RPTOR: variants seen among roughly 807,000 people sequenced by gnomAD.
RPTOR encodes regulatory-associated protein of mTOR.
RPTOR carries 21 observed loss-of-function variants against 169.9 expected under a neutral mutation model. That is an observed-to-expected ratio of 0.12 (90% CI 0.09 to 0.18). RPTOR has a LOEUF of 0.18. RPTOR is among the 10% of genes least tolerant of loss of function. The pLI is 1.00. For synonymous variants in RPTOR, 732 were observed against 753.2 expected (o/e 0.97, Z 0.46); for missense variants, 1,133 against 1,855.9 (o/e 0.61, Z 7.16).
rs1192655025 is a variant in RPTOR at position 80,820,602 on chromosome 17, G to A, written c.891-1599G>A. On this transcript the variant is annotated intron_variant, in intron 7 of 33. Coordinates refer to ENST00000306801, the MANE Select transcript of RPTOR (RefSeq NM_020761.3). The surrounding 1 kb of genome is among the most constrained non-coding windows in gnomAD (Gnocchi z 4.1). The stretch of plus-strand genomic sequence containing the variant: ...GCTCTGTCGTAGGTTGTTAGAGGGT[G>A]GGCACCTTTGCTTTTCCTCACTCCC... Among the ~76,000 whole-genome samples the A allele has an allele frequency of 6.6e-6, 1 of 151,930 alleles. No homozygotes were observed. The highest frequency in any genetic ancestry group is 1.5e-5 in the Non-Finnish European group (1 of 67,954).
At chr17:80,675,739 C>G (rs1161216488) in intron 3 of RPTOR, among the ~76,000 whole-genome samples, 2 of 152,194 alleles carry the variant, frequency 1.3e-5, no homozygotes, top group Admixed American at 1.3e-4. Context: ...AGCTTCACTG[C>G]TCTCACACCA....
intron 24 of RPTOR, among the ~76,000 whole-genome samples, chr17:80,932,460 G>A (rs2068909680): frequency 6.6e-6 from 1 of 152,148 alleles, no homozygotes; most frequent in Non-Finnish European, 1.5e-5. Flanking sequence ...AACTATCAGA[G>A]ATGGAGTGGA....
rs555378956 is a variant in RPTOR at position 80,853,149 on chromosome 17, G to A, written c.1315-2315G>A. Among the ~76,000 whole-genome samples the A allele has an allele frequency of 1.5e-3, 230 of 152,206 alleles. 3 individuals carry two copies. The South Asian group carries it at 0.045, about 29-fold the overall frequency. On this transcript the variant is annotated intron_variant, in intron 11 of 33. Coordinates refer to ENST00000306801, the MANE Select transcript of RPTOR (RefSeq NM_020761.3). ...ACTGGACCAGTCACTGCTGCTTAAC[G>A]TCGGCTGGTGGCTTCTGGATCTCAA...
intron 1 of RPTOR, among the ~76,000 whole-genome samples, chr17:80,575,530 C>G (rs1034134649): frequency 1.3e-5 from 2 of 152,182 alleles, no homozygotes; most frequent in Admixed American, 1.3e-4. Flanking sequence ...ATGGCGCCCC[C>G]TCGTGTTGTG....
chr17:80,813,282 G>C (rs1018121948), intron 7 of RPTOR, among the ~76,000 whole-genome samples: 4 of 152,184 alleles, frequency 2.6e-5, no homozygotes, highest in African/African-American at 9.7e-5. Flanking sequence ...TCACAGGAAT[G>C]CACGTTTCCT....
intron 7 of RPTOR, among the ~76,000 whole-genome samples, chr17:80,817,104 G>A (rs892154573): frequency 2.6e-5 from 4 of 152,232 alleles, no homozygotes; most frequent in Non-Finnish European, 4.4e-5. Flanking sequence ...TGGGTCCACC[G>A]AGCCGCACAG....
At chr17:80,826,599 G>A (rs1460979178) in intron 9 of RPTOR, among the ~76,000 whole-genome samples, 1 of 152,260 alleles carries the variant, frequency 6.6e-6, no homozygotes, top group Non-Finnish European at 1.5e-5. Flanking sequence ...CTAGGCTGGG[G>A]CAGGGAAGCA....
intron 11 of RPTOR, among the ~76,000 whole-genome samples, chr17:80,851,797 A>G (rs1216261260): frequency 6.6e-6 from 1 of 152,214 alleles, no homozygotes; most frequent in African/African-American, 2.4e-5. Flanking sequence ...TCCTGGTAAA[A>G]CAGTAACAGG....
rs757701207 is a variant in RPTOR at position 80,697,570 on chromosome 17, G to A, written c.349-10271G>A. 8.4e-4 allele frequency among the ~76,000 whole-genome samples: 128 copies of A among 152,264 alleles called. 1 individual carries two copies. Among genetic ancestry groups the A allele is most frequent in the Middle Eastern group, 3.4e-3 (1 of 294 alleles). On this transcript the variant is annotated intron_variant, in intron 3 of 33. Transcript: ENST00000306801. ...GAGGAGGGCGGCGTGATAGGTGCAG[G>A]TGGCGGCGTGATAGGTGCAGGTGGC...
At chr17:80,573,213 GT>G (rs1421584383) in intron 1 of RPTOR, among the ~76,000 whole-genome samples, 1 of 152,148 alleles carries the variant, frequency 6.6e-6, no homozygotes, top group East Asian at 1.9e-4. Flanking sequence ...GGAAGCACTT[GT>G]TTTTCTTGAG....
At chr17:80,866,003 G>T (rs1176529230) in intron 13 of RPTOR, among the ~76,000 whole-genome samples, 2 of 152,030 alleles carry the variant, frequency 1.3e-5, no homozygotes, top group African/African-American at 4.8e-5. Context: ...CTTAGAAACA[G>T]AAACTTTTAG....
intron 2 of RPTOR, among the ~76,000 whole-genome samples, chr17:80,637,924 A>G (rs12939549): frequency 0.42 from 63,896 of 152,146 alleles, 13,720 homozygotes; most frequent in African/African-American, 0.48. Flanking sequence ...AGACTTCGTC[A>G]TTGATTCTTG....
intron 6 of RPTOR, among the ~76,000 whole-genome samples, chr17:80,771,394 A>AC (rs2066841608): frequency 6.6e-6 from 1 of 151,922 alleles, no homozygotes. Context: ...CAAAAGGTCC[A>AC]CCCCAGCAAG....
chr17:80,758,565 TGAGCTGGTAAAA>T (rs1463440196), intron 6 of RPTOR, among the ~76,000 whole-genome samples: 1 of 152,110 alleles, frequency 6.6e-6, no homozygotes. Flanking sequence ...AGTGCGGTCT[TGAGCTGGTAAAA>T]GATTAGGGCA....
chr17:80,834,096 G>T (rs905102655), intron 9 of RPTOR, among the ~76,000 whole-genome samples: 1 of 152,206 alleles, frequency 6.6e-6, no homozygotes, highest in Non-Finnish European at 1.5e-5. Context: ...CCACGGCCCC[G>T]AGAGGGCCTC....
intron 5 of RPTOR, among the ~76,000 whole-genome samples, chr17:80,736,934 C>G (rs1446456629): frequency 6.6e-6 from 1 of 152,216 alleles, no homozygotes; most frequent in Non-Finnish European, 1.5e-5. Context: ...CTGTATTTCT[C>G]TTTCAAGCAA....
chr17:80,799,126 T>G (rs1399314543), intron 7 of RPTOR, among the ~76,000 whole-genome samples: 1 of 152,238 alleles, frequency 6.6e-6, no homozygotes, highest in African/African-American at 2.4e-5. Context: ...CCTGCCTTCG[T>G]TAAATGAACT....
intron 2 of RPTOR, among the ~76,000 whole-genome samples, chr17:80,634,154 CTG>C (rs774291587): frequency 2.5e-3 from 283 of 114,942 alleles, no homozygotes; most frequent in Non-Finnish European, 3.0e-3. Context: ...CGTGTGCGTA[CTG>C]TGTGTGTGTG....
chr17:80,941,449 CCAGGAGAGTA>C (rs2069026821), intron 25 of RPTOR: 1 of 152,526 alleles, frequency 6.6e-6, no homozygotes, highest in Admixed American at 6.5e-5. Flanking sequence ...TCCCCAGGAT[CCAGGAGAGTA>C]CAGGGGCCCA....
Sources: allele counts gnomAD v4.1 joint callset (sites outside exome capture counted in the v4.1 genomes callset), GRCh38; gene constraint gnomAD v4.1.1; non-coding constraint Gnocchi (gnomAD v3.1); transcripts MANE v1.5; gene names NCBI Gene and HGNC (gene_info 2026-07-23, HGNC 2026-07-21).